Variants in GAS2L1 observed in about 807,000 individuals in gnomAD.
The protein encoded by GAS2L1 is growth arrest specific 2 like 1.
GAS2L1 carries 26 observed loss-of-function variants against 44.0 expected under a neutral mutation model. The ratio of observed to expected loss-of-function variants is 0.59; its 90% CI spans 0.43 to 0.82. GAS2L1 has a LOEUF of 0.82. GAS2L1 is among the 40% of genes least tolerant of loss of function. GAS2L1 has a pLI of 0.00. For synonymous variants in GAS2L1, 426 were observed against 415.9 expected, an observed-to-expected ratio of 1.02 and a Z score of -0.30; for missense variants, 1,006 against 983.0, an observed-to-expected ratio of 1.02 and a Z score of -0.31.
At chr22:29,312,780 T>G in exon 5 of GAS2L1, 1 of 344,630 alleles carries the variant, frequency 2.9e-6, no homozygotes, top group Non-Finnish European at 5.2e-6. Context: ...AAAGTTTTGC[T>G]CCAGCCACCT....
At chr22:29,312,185 C>T (rs1241443086) in exon 5 of GAS2L1, 1 of 1,612,974 alleles carries the variant, frequency 6.2e-7, no homozygotes, top group East Asian at 2.2e-5. Flanking sequence ...GCAAATGTGG[C>T]CAACCTGGGG....
At chr22:29,310,893 C>A in exon 4 of GAS2L1, 1 of 1,613,526 alleles carries the variant, frequency 6.2e-7, no homozygotes, top group East Asian at 2.2e-5. Context: ...ACCACCAGTC[C>A]CCGCCCTGCT....
chr22:29,308,342 C>A, exon 1 of GAS2L1: 1 of 1,603,524 alleles, frequency 6.2e-7, no homozygotes, highest in Non-Finnish European at 8.5e-7. Flanking sequence ...TGGCAGCCGC[C>A]CGCCCGGCCC....
chr22:29,308,629 C>A, exon 1 of GAS2L1: 1 of 1,585,076 alleles, frequency 6.3e-7, no homozygotes, highest in Non-Finnish European at 8.6e-7. Context: ...CCCCCAGCCC[C>A]CAACGCCCCT....
At chr22:29,309,494 C>T (rs940879722) in intron 1 of GAS2L1, among the ~76,000 whole-genome samples, 6 of 152,228 alleles carry the variant, frequency 3.9e-5, no homozygotes. Flanking sequence ...TGGGCAGAGC[C>T]TGGGGCCCCA....
chr22:29,310,267 A>T (rs80062417), intron 1 of GAS2L1, 172 bp from the exon 3 acceptor site: 153,098 of 377,464 alleles, frequency 0.41, 31,751 homozygotes, highest in Admixed American at 0.51. Flanking sequence ...ATAAAAAAAA[A>T]TAAAAAAAAT....
intron 1 of GAS2L1, 47 bp from the exon 3 acceptor site, chr22:29,310,389 CCAG>C (rs2061390444): frequency 2.0e-6 from 2 of 1,018,872 alleles, no homozygotes; most frequent in Non-Finnish European, 3.1e-6. Flanking sequence ...ACATTAAGCC[CCAG>C]GAGGAGGACT....
chr22:29,311,423 C>T (rs1420842209), intron 4 of GAS2L1, 39 bp from the exon 6 acceptor site: 1 of 792,712 alleles, frequency 1.3e-6, no homozygotes, highest in East Asian at 2.8e-5. Context: ...CCAGTCCTTC[C>T]GTGGTACCCC....
In GAS2L1 at chr22:29,310,250, A is replaced by T. The variant is rs532548419; in HGVS notation, c.634-189A>T. 466 of 341,398 alleles carry T rather than the reference A, an allele frequency of 1.4e-3. 3 individuals carry two copies. The highest frequency in any genetic ancestry group is 7.7e-3 in the African/African-American group (350 of 45,548). 21.1% of individuals were successfully genotyped at this position (341,398 alleles called of 1,614,324 possible). ...AGAGCAAAACTCCAACTCAAAAAAA[A>T]AAAAAAATAAAAAAAAATAAAAAAA... On this transcript the variant is annotated intron_variant, in intron 1 of 4. Transcript: ENST00000618518.
chr22:29,309,818 C>A (rs928120649), intron 1 of GAS2L1, among the ~76,000 whole-genome samples: 1 of 152,180 alleles, frequency 6.6e-6, no homozygotes, highest in Non-Finnish European at 1.5e-5. Context: ...GTGGGTGAAG[C>A]GGGAGTGAGG....
chr22:29,310,709 C>T (rs368892565), exon 3 of GAS2L1: 57 of 1,609,262 alleles, frequency 3.5e-5, no homozygotes, highest in Non-Finnish European at 4.5e-5. Flanking sequence ...TGGACAAGCA[C>T]GACCCGTGCC....
At chr22:29,310,147 CAGG>C (rs1384843538) in intron 1 of GAS2L1, 1 of 173,460 alleles carries the variant, frequency 5.8e-6, no homozygotes, top group Non-Finnish European at 1.2e-5. Context: ...GAGGCTGAGG[CAGG>C]AGAATTGCTT....
exon 1 of GAS2L1, chr22:29,307,498 TCA>T (rs1475487003): frequency 6.6e-6 from 1 of 152,314 alleles, no homozygotes; most frequent in Non-Finnish European, 1.5e-5. Flanking sequence ...TTTCTGCGCC[TCA>T]GTTTCCTCAT....
chr22:29,308,066 G>C lies in GAS2L1; in HGVS notation c.-40G>C, dbSNP rs368621520. 35 of 1,506,778 alleles carry C rather than the reference G, an allele frequency of 2.3e-5. No homozygotes were observed. In the African/African-American group the frequency reaches 3.8e-4, roughly 16 times the overall value. The allele number at this position is 1,506,778 out of a possible 1,614,324, so 93.3% of individuals were successfully genotyped here. A position where few individuals can be genotyped will look rare whatever the true frequency, so the allele number is the denominator to read the frequency against. ...CTTACTGGGTCCCCACAGCGATCCT[G>C]AACTGTGTTCCTGCCCACAGTGACT... On this transcript the variant is annotated 5_prime_UTR_variant, in exon 1 of 5. Transcript: ENST00000618518.
chr22:29,312,367 A>C, exon 5 of GAS2L1: 1 of 1,603,282 alleles, frequency 6.2e-7, no homozygotes, highest in Non-Finnish European at 8.5e-7. Context: ...ATGGACACAC[A>C]GCCAGACCGT....
exon 5 of GAS2L1, chr22:29,312,247 C>A: frequency 6.2e-7 from 1 of 1,612,844 alleles, no homozygotes; most frequent in Non-Finnish European, 8.5e-7. Flanking sequence ...CAAGCCCTTT[C>A]CAGCTCCTCC....
intron 4 of GAS2L1, 147 bp downstream of exon 5, chr22:29,311,145 C>T (rs2061401113): frequency 2.7e-6 from 2 of 734,002 alleles, no homozygotes; most frequent in Non-Finnish European, 4.3e-6. Flanking sequence ...TTCCCATCTC[C>T]ATGGCAACCC....
At chr22:29,310,253 A>T (rs1002370543) in intron 1 of GAS2L1, 186 bp from the exon 3 acceptor site, 34 of 355,376 alleles carry the variant, frequency 9.6e-5, no homozygotes, top group Middle Eastern at 7.4e-4. Context: ...AAAAAAAAAA[A>T]AAAATAAAAA....
exon 5 of GAS2L1, chr22:29,312,378 A>C (rs1308051296): frequency 1.3e-6 from 2 of 1,599,828 alleles, no homozygotes; most frequent in South Asian, 1.1e-5. Context: ...GCCAGACCGT[A>C]AACCCTCACG....
Sources: allele counts gnomAD v4.1 joint callset (sites outside exome capture counted in the v4.1 genomes callset), GRCh38; gene constraint gnomAD v4.1.1; transcripts MANE v1.5; gene names NCBI Gene and HGNC (gene_info 2026-07-23, HGNC 2026-07-21).